Variants in TRDN observed in about 807,000 individuals in gnomAD.
The protein encoded by TRDN is triadin.
In TRDN, 161 loss-of-function variants were observed where a neutral mutation model predicts 149.7. That is an observed-to-expected ratio of 1.08 (90% CI 0.95 to 1.23). The LOEUF (loss-of-function observed/expected upper bound fraction) is 1.23, where lower values mean the gene tolerates loss of function less well. Among genes scored for constraint, TRDN ranks in the 50% most tolerant of loss-of-function variants. The probability of loss-of-function intolerance (pLI) is 0.00; values close to 1 mark genes in which losing one functional copy is unlikely to be tolerated. For synonymous variants in TRDN, 294 were observed against 250.5 expected, an observed-to-expected ratio of 1.17 and a Z score of -1.64; for missense variants, 896 against 823.5, an observed-to-expected ratio of 1.09 and a Z score of -1.08.
At chr6:123,401,699 C>T (rs1459458461) in intron 12 of TRDN, among the ~76,000 whole-genome samples, 11 of 152,136 alleles carry the variant, frequency 7.2e-5, no homozygotes, top group Non-Finnish European at 1.5e-5. Flanking sequence ...AATCCCAGCA[C>T]TTTGGGACAC....
chr6:123,396,470 A>C lies in TRDN; in HGVS notation c.1052-2793T>G, dbSNP rs912378870. 5.5e-4 allele frequency among the ~76,000 whole-genome samples: 83 copies of C among 152,206 alleles called. 1 individual carries two copies. Among genetic ancestry groups the C allele is most frequent in the Non-Finnish European group, 2.2e-4 (15 of 68,038 alleles). On this transcript the variant is annotated intron_variant, in intron 12 of 40. Transcript: ENST00000334268. ...CAATGACTTAAATAAAAAACAGATG[A>C]CCATAACAATATTCAACTAAAGATT...
intron 12 of TRDN, among the ~76,000 whole-genome samples, chr6:123,419,633 C>T (rs1773810175): frequency 6.6e-6 from 1 of 152,162 alleles, no homozygotes; most frequent in African/African-American, 2.4e-5. Flanking sequence ...TCACCTTGGT[C>T]TCCCACAGCA....
intron 24 of TRDN, among the ~76,000 whole-genome samples, chr6:123,302,490 C>G (rs921679485): frequency 6.6e-6 from 1 of 152,056 alleles, no homozygotes. Flanking sequence ...AATCACCCAT[C>G]AAGTGAGTGG....
At chr6:123,350,261 T>C (rs888900328) in intron 21 of TRDN, 21 of 961,728 alleles carry the variant, frequency 2.2e-5, no homozygotes, top group African/African-American at 3.5e-5. Context: ...TATTCTGTAA[T>C]AAAACTTTCA....
intron 9 of TRDN, among the ~76,000 whole-genome samples, chr6:123,481,223 C>T (rs1021465707): frequency 6.6e-6 from 1 of 152,028 alleles, no homozygotes; most frequent in Non-Finnish European, 1.5e-5. Context: ...ACAGACAACT[C>T]TGCTTGTGGT....
At chr6:123,239,500 T>C (rs1006244605) in intron 38 of TRDN, among the ~76,000 whole-genome samples, 27 of 152,140 alleles carry the variant, frequency 1.8e-4, no homozygotes, top group Admixed American at 6.6e-4. Flanking sequence ...AATATATTAG[T>C]TCACAAGATA....
chr6:123,218,398 CAG>C lies in TRDN; in HGVS notation c.*201_*202del. 1.9e-6 allele frequency: 1 copy of C among 521,848 alleles called. No homozygotes were observed. Among genetic ancestry groups the C allele is most frequent in the Non-Finnish European group, 3.3e-6 (1 of 298,962 alleles). The allele number at this position is 521,848 out of a possible 1,614,324, so 32.3% of individuals were successfully genotyped here. A position where few individuals can be genotyped will look rare whatever the true frequency, so the allele number is the denominator to read the frequency against. On this transcript the variant is annotated 3_prime_UTR_variant, in exon 41 of 41. Transcript: ENST00000334268. ...CTCCCACCGCAGCAAACACACATAA[CAG>C]ATTCTTGAGACTTAGACCCTTAAAC...
chr6:123,494,427 T>C (rs1778347704), intron 9 of TRDN, among the ~76,000 whole-genome samples: 1 of 152,202 alleles, frequency 6.6e-6, no homozygotes, highest in South Asian at 2.1e-4. Context: ...TCTTAGTGCA[T>C]GGTTCTCTGT....
chr6:123,318,041 A>G (rs1052529185), intron 23 of TRDN, among the ~76,000 whole-genome samples: 2 of 152,004 alleles, frequency 1.3e-5, no homozygotes, highest in Non-Finnish European at 1.5e-5. Flanking sequence ...GATACCTTCA[A>G]TTATTGGGTT....
At chr6:123,236,545 T>A (rs1271617448) in intron 38 of TRDN, among the ~76,000 whole-genome samples, 1 of 152,160 alleles carries the variant, frequency 6.6e-6, no homozygotes, top group East Asian at 1.9e-4. Context: ...CTCAAAGATG[T>A]TTTCTCCTAA....
Position 123,514,348 on chromosome 6 carries a change from C to T in TRDN, c.550+1793G>A, listed in dbSNP as rs1482645970. On this transcript the variant is annotated intron_variant, in intron 6 of 40. Coordinates refer to ENST00000334268, the MANE Select transcript of TRDN (RefSeq NM_006073.4). ...TCAGTCTGGGTGGCAGAGTGAGACT[C>T]TGTCTCAAAACAAAAAAACAATCTT... Among the ~76,000 whole-genome samples the T allele has an allele frequency of 3.9e-5, 6 of 152,148 alleles. No individual in the cohort carries two copies. In the South Asian group the frequency reaches 6.2e-4, roughly 16 times the overall value.
intron 2 of TRDN, among the ~76,000 whole-genome samples, chr6:123,570,490 C>T (rs1306636428): frequency 6.6e-6 from 1 of 152,174 alleles, no homozygotes; most frequent in Non-Finnish European, 1.5e-5. Context: ...GACCAGATGA[C>T]AGCAGGGCTT....
chr6:123,494,167 C>T lies in TRDN; in HGVS notation c.853+3026G>A, dbSNP rs1778335223. 4.6e-5 allele frequency among the ~76,000 whole-genome samples: 7 copies of T among 151,998 alleles called. No individual in the cohort carries two copies. The South Asian group carries it at 1.4e-3, about 31-fold the overall frequency. On this transcript the variant is annotated intron_variant, in intron 9 of 40. Coordinates refer to ENST00000334268, the MANE Select transcript of TRDN (RefSeq NM_006073.4). ...ATTAATGGTACAAAGAAATCTAATC[C>T]TATAGAACTAGGAATTATCTTCAGG...
intron 12 of TRDN, among the ~76,000 whole-genome samples, chr6:123,415,817 T>C (rs1284277146): frequency 6.6e-6 from 1 of 152,180 alleles, no homozygotes; most frequent in Non-Finnish European, 1.5e-5. Flanking sequence ...ATATACTGTA[T>C]AGACAAAAAT....
intron 21 of TRDN, among the ~76,000 whole-genome samples, chr6:123,345,452 A>G (rs759660455): frequency 2.6e-5 from 4 of 151,962 alleles, no homozygotes; most frequent in Middle Eastern, 3.4e-3. Context: ...TACTGTCCTG[A>G]TTACTGTATT....
intron 1 of TRDN, among the ~76,000 whole-genome samples, chr6:123,592,826 C>T (rs1016942251): frequency 7.2e-5 from 11 of 152,106 alleles, no homozygotes; most frequent in Admixed American, 3.3e-4. Flanking sequence ...TAGGGTTATG[C>T]TCTGCAAGAT....
At chr6:123,221,359 A>T (rs1775141051) in intron 40 of TRDN, 128 bp downstream of exon 40, 2 of 474,668 alleles carry the variant, frequency 4.2e-6, no homozygotes, top group African/African-American at 2.0e-5. Context: ...CTTTAATGTT[A>T]TTCTTCATGT....
At chr6:123,410,055 T>C (rs1582984069) in intron 12 of TRDN, among the ~76,000 whole-genome samples, 1 of 152,292 alleles carries the variant, frequency 6.6e-6, no homozygotes, top group African/African-American at 2.4e-5. Context: ...GGAAAGACAT[T>C]GAAACTCTTC....
At chr6:123,491,027 A>G (rs1360639877) in intron 9 of TRDN, among the ~76,000 whole-genome samples, 1 of 151,502 alleles carries the variant, frequency 6.6e-6, no homozygotes, top group Non-Finnish European at 1.5e-5. Flanking sequence ...AATTGCTTGA[A>G]CCCGGGAGGC....
Sources: allele counts gnomAD v4.1 joint callset (sites outside exome capture counted in the v4.1 genomes callset), GRCh38; gene constraint gnomAD v4.1.1; transcripts MANE v1.5; gene names NCBI Gene and HGNC (gene_info 2026-07-23, HGNC 2026-07-21).